HECTD4: variants seen among roughly 807,000 people sequenced by gnomAD.
The protein encoded by HECTD4 is probable E3 ubiquitin-protein ligase HECTD4.
A neutral mutation model predicts 471.5 loss-of-function variants in HECTD4; 114 were observed. That is an observed-to-expected ratio of 0.24 (90% CI 0.21 to 0.28). HECTD4 has a LOEUF of 0.28. Ranked by LOEUF, HECTD4 falls within the 10% of genes least tolerant of loss-of-function variation. The pLI is 1.00. For synonymous variants in HECTD4, 2,012 were observed against 2,256.0 expected, an observed-to-expected ratio of 0.89 and a Z score of 3.07; for missense variants, 3,866 against 5,651.5, an observed-to-expected ratio of 0.68 and a Z score of 10.13.
chr12:112,163,460 C>A lies in HECTD4; in HGVS notation c.12897+82G>T, dbSNP rs2030785640. On this transcript the variant is annotated intron_variant, in intron 74 of 75. Transcript: ENST00000682272. This position sits in a 1 kb window ranked among gnomAD's most constrained non-coding sequence, Gnocchi z 8.2. ...GAGCTGAGACAGGCCACTGCCGATGCCTGCTGCTGGAGTTGAGGGTGACAG... is the reference window on the plus strand; with the variant it reads ...GAGCTGAGACAGGCCACTGCCGATGACTGCTGCTGGAGTTGAGGGTGACAG... 3 of 1,253,590 alleles carry A rather than the reference C, an allele frequency of 2.4e-6. No individual in the cohort carries two copies. The highest frequency in any genetic ancestry group is 3.3e-6 in the Non-Finnish European group (3 of 921,120). The allele number at this position is 1,253,590 out of a possible 1,614,324, so 77.7% of individuals were successfully genotyped here. A position where few individuals can be genotyped will look rare whatever the true frequency, so the allele number is the denominator to read the frequency against.
chr12:112,370,006 G>T (rs960007146), intron 1 of HECTD4, among the ~76,000 whole-genome samples: 6 of 152,300 alleles, frequency 3.9e-5, no homozygotes, highest in Non-Finnish European at 5.9e-5. Context: ...GGACTTTGCA[G>T]ATGTGATTAA....
chr12:112,273,830 C>A (rs957461933), intron 10 of HECTD4, 35 bp from the exon 11 acceptor site: 1 of 1,606,720 alleles, frequency 6.2e-7, no homozygotes, highest in Non-Finnish European at 8.5e-7. Context: ...AGTCACCATG[C>A]CACCAGCTAC....
chr12:112,209,327 G>GTTT (rs34447938), intron 50 of HECTD4, among the ~76,000 whole-genome samples: 2 of 140,152 alleles, frequency 1.4e-5, no homozygotes, highest in African/African-American at 2.6e-5. Flanking sequence ...AATCATAAAA[G>GTTT]TTTTTTTTTT....
intron 32 of HECTD4, among the ~76,000 whole-genome samples, chr12:112,241,371 C>G (rs996342661): frequency 6.6e-6 from 1 of 152,272 alleles, no homozygotes; most frequent in Admixed American, 6.5e-5. Flanking sequence ...TGACAAGGAG[C>G]CTGGCAGCTC....
At chr12:112,258,731 G>C in intron 19 of HECTD4, 135 bp from the exon 20 acceptor site, 1 of 659,174 alleles carries the variant, frequency 1.5e-6, no homozygotes, top group Non-Finnish European at 2.5e-6. Context: ...AAGAAATGCT[G>C]TGCTACTTAG....
intron 60 of HECTD4, among the ~76,000 whole-genome samples, chr12:112,189,013 G>A (rs2031982125): frequency 6.6e-6 from 1 of 152,098 alleles, no homozygotes; most frequent in East Asian, 1.9e-4. Context: ...CTCTGCTTAC[G>A]TCCCCCCTAT....
intron 17 of HECTD4, among the ~76,000 whole-genome samples, chr12:112,262,408 C>T (rs910525731): frequency 1.4e-5 from 2 of 142,646 alleles, no homozygotes; most frequent in African/African-American, 2.6e-5. Flanking sequence ...CCCAGCTACT[C>T]GGGAGGCTGA....
At chr12:112,277,675 C>G (rs1323525901) in intron 9 of HECTD4, among the ~76,000 whole-genome samples, 1 of 152,170 alleles carries the variant, frequency 6.6e-6, no homozygotes, top group Non-Finnish European at 1.5e-5. Flanking sequence ...TATCTTCAAG[C>G]GAGGGTGGAA....
At position 112,229,590 on chromosome 12, in the gene HECTD4, T is replaced by C. The variant is rs972153726; in HGVS notation, c.6519+108A>G. The C allele has an allele frequency of 5.1e-6, 6 of 1,169,058 alleles. No individual in the cohort carries two copies. The Admixed American group carries it at 6.9e-5, about 14-fold the overall frequency. The allele number at this position is 1,169,058 out of a possible 1,614,324, so 72.4% of individuals were successfully genotyped here. A position where few individuals can be genotyped will look rare whatever the true frequency, so the allele number is the denominator to read the frequency against. ...CTTATTTAGCTTGAAGAAACAGGTT[T>C]TTTTGTACAGCTGGTTGGATAATAC... On this transcript the variant is annotated intron_variant, in intron 41 of 75. Coordinates refer to ENST00000682272, the MANE Select transcript of HECTD4 (RefSeq NM_001388303.1).
chr12:112,272,215 C>T (rs1350534476), intron 11 of HECTD4, among the ~76,000 whole-genome samples: 2 of 151,914 alleles, frequency 1.3e-5, no homozygotes, highest in Non-Finnish European at 2.9e-5. Flanking sequence ...ACCCAGCTAA[C>T]TTTTTTGTAT....
chr12:112,369,712 C>T (rs1325187974), intron 1 of HECTD4, among the ~76,000 whole-genome samples: 2 of 152,034 alleles, frequency 1.3e-5, no homozygotes, highest in Non-Finnish European at 2.9e-5. Flanking sequence ...TCCTATCAAA[C>T]ACTAATACCG....
intron 1 of HECTD4, among the ~76,000 whole-genome samples, chr12:112,373,327 G>A (rs1393039835): frequency 6.6e-6 from 1 of 152,098 alleles, no homozygotes; most frequent in Admixed American, 6.5e-5. Flanking sequence ...ATCACTTGAG[G>A]TCAGGAGTTA....
chr12:112,221,363 C>G (rs1214246171), intron 44 of HECTD4, among the ~76,000 whole-genome samples: 1 of 152,146 alleles, frequency 6.6e-6, no homozygotes, highest in Non-Finnish European at 1.5e-5. Flanking sequence ...ATCTTCCCAC[C>G]TCAGCCTCCC....
intron 8 of HECTD4, among the ~76,000 whole-genome samples, chr12:112,280,707 C>A (rs990237612): frequency 6.6e-6 from 1 of 150,384 alleles, no homozygotes; most frequent in Non-Finnish European, 1.5e-5. Flanking sequence ...GTGAGTATAC[C>A]ATTTTCACCA....
At chr12:112,315,100 C>T (rs1289634575) in intron 2 of HECTD4, among the ~76,000 whole-genome samples, 2 of 152,222 alleles carry the variant, frequency 1.3e-5, no homozygotes, top group Non-Finnish European at 2.9e-5. Context: ...GGGCTCACCG[C>T]TACCTGAATT....
chr12:112,231,764 C>T, intron 38 of HECTD4, 49 bp from the exon 39 acceptor site: 1 of 1,491,910 alleles, frequency 6.7e-7, no homozygotes, highest in Admixed American at 1.9e-5. Flanking sequence ...GTCTTCCCAG[C>T]ACTATATTTT....
chr12:112,216,696 T>G, intron 47 of HECTD4, 77 bp downstream of exon 47: 1 of 1,506,670 alleles, frequency 6.6e-7, no homozygotes. Flanking sequence ...GAACTCTATT[T>G]TGACTTCCTG....
Position 112,164,228 on chromosome 12 carries a change from G to T in HECTD4, c.12582C>A (p.Ser4194=), listed in dbSNP as rs1376379594. ...ELEALCAEIA[S]QHLATESPDS... ...CAGGGCTCTCCGTGGCCAGGTGCTG[G>T]GAGGCGATCTCAGCGCACAGGGCCT... The change falls in exon 73 of 76, where the codon TCC becomes TCA. Residue 4194 remains serine (S), a synonymous_variant. Transcript: ENST00000682272. 2 of 1,613,764 alleles carry T rather than the reference G, an allele frequency of 1.2e-6. No individual in the cohort carries two copies. Among genetic ancestry groups the T allele is most frequent in the South Asian group, 2.2e-5 (2 of 91,086 alleles).
chr12:112,219,302 C>G, intron 45 of HECTD4, 84 bp downstream of exon 45: 2 of 971,704 alleles, frequency 2.1e-6, no homozygotes, highest in South Asian at 1.7e-5. Context: ...AACACTTATT[C>G]TAAATGTCCT....
Sources: allele counts gnomAD v4.1 joint callset (sites outside exome capture counted in the v4.1 genomes callset), GRCh38; gene constraint gnomAD v4.1.1; non-coding constraint Gnocchi (gnomAD v3.1); transcripts MANE v1.5; gene names NCBI Gene and HGNC (gene_info 2026-07-23, HGNC 2026-07-21).